KCNIP1: variants seen among roughly 807,000 people sequenced by gnomAD.
KCNIP1 encodes A-type potassium channel modulatory protein KCNIP1.
Under a neutral mutation model 33.0 loss-of-function variants are expected in KCNIP1, and 18 were observed. That is an observed-to-expected ratio of 0.55 (90% CI 0.38 to 0.81). The LOEUF is 0.81. Among genes scored for constraint, KCNIP1 ranks in the 30% least tolerant of loss-of-function variants. The pLI is 0.00. For missense variants in KCNIP1, 238 were observed against 271.6 expected (o/e 0.88, Z 0.87); for synonymous variants, 93 against 98.3 (o/e 0.95, Z 0.32).
chr5:170,535,101 G>C (rs368129303), intron 1 of KCNIP1, among the ~76,000 whole-genome samples: 3 of 152,162 alleles, frequency 2.0e-5, no homozygotes, highest in Admixed American at 6.5e-5. Flanking sequence ...GGGTCCCAGC[G>C]CCGTCTCCGC....
At chr5:170,708,305 G>A (rs1056644457) in intron 1 of KCNIP1, among the ~76,000 whole-genome samples, 1 of 152,150 alleles carries the variant, frequency 6.6e-6, no homozygotes, top group Non-Finnish European at 1.5e-5. Flanking sequence ...ATCTTCAAAT[G>A]CCAGCATGCC....
intron 1 of KCNIP1, among the ~76,000 whole-genome samples, chr5:170,411,446 G>A (rs1755186339): frequency 6.6e-6 from 1 of 152,180 alleles, no homozygotes; most frequent in Non-Finnish European, 1.5e-5. Flanking sequence ...GACAGAGAGT[G>A]AGAGAAAGAG....
chr5:170,378,496 A>G, intron 1 of KCNIP1: 1 of 607,322 alleles, frequency 1.6e-6, no homozygotes, highest in Non-Finnish European at 2.8e-6. Context: ...CCTCCAAGGC[A>G]TTGGGGAGCC....
chr5:170,355,693 AG>A (rs1283804075), intron 1 of KCNIP1, among the ~76,000 whole-genome samples: 1 of 152,216 alleles, frequency 6.6e-6, no homozygotes, highest in Admixed American at 6.5e-5. Flanking sequence ...AAGCTGCCAG[AG>A]GGAGCAACAT....
intron 1 of KCNIP1, among the ~76,000 whole-genome samples, chr5:170,525,398 G>A (rs1216735495): frequency 2.0e-5 from 3 of 152,208 alleles, no homozygotes; most frequent in Non-Finnish European, 4.4e-5. Context: ...CTGCATTAAA[G>A]CATTTAGGTA....
At chr5:170,611,838 C>T (rs1004886889) in intron 1 of KCNIP1, among the ~76,000 whole-genome samples, 2 of 152,182 alleles carry the variant, frequency 1.3e-5, no homozygotes, top group African/African-American at 2.4e-5. Context: ...AAGGGAGAAT[C>T]GCTACTGAAT....
intron 1 of KCNIP1, among the ~76,000 whole-genome samples, chr5:170,522,874 T>A (rs547268723): frequency 2.8e-4 from 43 of 152,234 alleles, no homozygotes; most frequent in Admixed American, 5.9e-4. Flanking sequence ...AAAGAGGACC[T>A]CCTGAGCCAC....
At chr5:170,585,194 C>T (rs548453176) in intron 1 of KCNIP1, among the ~76,000 whole-genome samples, 11 of 152,152 alleles carry the variant, frequency 7.2e-5, no homozygotes, top group Admixed American at 1.3e-4. Flanking sequence ...GCTCTCTTAA[C>T]GATATAGCTC....
chr5:170,501,156 C>A (rs1460669149), upstream of KCNIP1, among the ~76,000 whole-genome samples: 1 of 152,136 alleles, frequency 6.6e-6, no homozygotes, highest in Non-Finnish European at 1.5e-5. Context: ...TGATAAGAAG[C>A]CCTGGGTGCT....
chr5:170,589,971 A>G (rs535728496), intron 1 of KCNIP1, among the ~76,000 whole-genome samples: 2 of 152,174 alleles, frequency 1.3e-5, no homozygotes, highest in Non-Finnish European at 2.9e-5. Context: ...CATCTCCCCT[A>G]GTGTTCCTTT....
At chr5:170,710,830 C>A (rs1038898981) in intron 1 of KCNIP1, among the ~76,000 whole-genome samples, 1 of 152,202 alleles carries the variant, frequency 6.6e-6, no homozygotes, top group Non-Finnish European at 1.5e-5. Flanking sequence ...TGAATTATCA[C>A]CTCCCTTGAA....
chr5:170,524,570 G>T (rs116617009), intron 1 of KCNIP1, among the ~76,000 whole-genome samples: 5 of 152,186 alleles, frequency 3.3e-5, no homozygotes, highest in Non-Finnish European at 7.3e-5. Flanking sequence ...ACATATTCAT[G>T]TAAAAGACTC....
chr5:170,660,571 CCT>C (rs1445344013), intron 1 of KCNIP1, among the ~76,000 whole-genome samples: 1 of 152,190 alleles, frequency 6.6e-6, no homozygotes. Context: ...GAACTCCAGG[CCT>C]GTCCCATGTT....
intron 1 of KCNIP1, among the ~76,000 whole-genome samples, chr5:170,573,588 C>A (rs1757492203): frequency 6.6e-6 from 1 of 152,050 alleles, no homozygotes; most frequent in Non-Finnish European, 1.5e-5. Flanking sequence ...AGCTTCCAAC[C>A]TGTTATTCTA....
intron 1 of KCNIP1, among the ~76,000 whole-genome samples, chr5:170,624,659 T>C (rs1367715273): frequency 6.7e-6 from 1 of 148,672 alleles, no homozygotes; most frequent in Non-Finnish European, 1.5e-5. Context: ...CAGACCTGTC[T>C]TGGTGCCTCA....
At chr5:170,659,133 A>G (rs569819316) in intron 1 of KCNIP1, among the ~76,000 whole-genome samples, 1 of 151,998 alleles carries the variant, frequency 6.6e-6, no homozygotes, top group Non-Finnish European at 1.5e-5. Flanking sequence ...ATGCTTGCCT[A>G]ATATGAGCTA....
chr5:170,599,006 G>A (rs766262901), intron 1 of KCNIP1, among the ~76,000 whole-genome samples: 4 of 151,512 alleles, frequency 2.6e-5, no homozygotes, highest in Admixed American at 6.6e-5. Context: ...CTGAGGCCCC[G>A]GCCCATAAGT....
chr5:170,696,613 A>C (rs1762903927), intron 1 of KCNIP1, among the ~76,000 whole-genome samples: 1 of 152,140 alleles, frequency 6.6e-6, no homozygotes, highest in Admixed American at 6.5e-5. Flanking sequence ...AGTCCAGATA[A>C]ACAGAGCCCC....
At chr5:170,686,947 C>G (rs1364729812) in intron 1 of KCNIP1, among the ~76,000 whole-genome samples, 3 of 152,006 alleles carry the variant, frequency 2.0e-5, no homozygotes, top group Non-Finnish European at 4.4e-5. Flanking sequence ...CCTCTTCCCC[C>G]TCTCCAGCCC....
Sources: gnomAD v4.1 joint callset for allele counts (sites outside exome capture counted in the v4.1 genomes callset) on GRCh38, gnomAD v4.1.1 for gene constraint, MANE v1.5 for transcripts, NCBI Gene and HGNC (gene_info 2026-07-23, HGNC 2026-07-21) for gene names.